TOP1: variants seen among roughly 807,000 people sequenced by gnomAD.
The protein encoded by TOP1 is DNA topoisomerase 1.
TOP1 carries 10 observed loss-of-function variants against 111.1 expected under a neutral mutation model. That is an observed-to-expected ratio of 0.09 (90% CI 0.06 to 0.15). The LOEUF (loss-of-function observed/expected upper bound fraction) is 0.15. TOP1 is among the 10% of genes least tolerant of loss of function. The pLI, the probability that TOP1 is intolerant of heterozygous loss-of-function variation, is 1.00. For synonymous variants in TOP1, 271 were observed against 302.9 expected, an observed-to-expected ratio of 0.89 and a Z score of 1.10; for missense variants, 474 against 926.7, an observed-to-expected ratio of 0.51 and a Z score of 6.34.
chr20:41,101,058 G>A lies in TOP1; in HGVS notation c.1164-151G>A. 2.9e-6 allele frequency: 2 copies of A among 695,218 alleles called. No homozygotes were observed. The highest frequency in any genetic ancestry group is 2.2e-5 in the South Asian group (1 of 45,956). The allele number at this position is 695,218 out of a possible 1,614,324, so 43.1% of individuals were successfully genotyped here. A position where few individuals can be genotyped will look rare whatever the true frequency, so the allele number is the denominator to read the frequency against. On this transcript the variant is annotated intron_variant, in intron 12 of 20. Coordinates refer to ENST00000361337, the MANE Select transcript of TOP1 (RefSeq NM_003286.4). The surrounding 1 kb of genome is among the most constrained non-coding windows in gnomAD (Gnocchi z 4.1). ...TCGGATGACAGTTGGCTGAGGGTAAGTAAAACCATGCATAAGGTGGGACTA... is the reference window on the plus strand; with the variant it reads ...TCGGATGACAGTTGGCTGAGGGTAAATAAAACCATGCATAAGGTGGGACTA...
chr20:41,072,554 C>T (rs964702290), intron 3 of TOP1: 22 of 985,304 alleles, frequency 2.2e-5, no homozygotes, highest in Non-Finnish European at 2.7e-5. Flanking sequence ...GCTTCTGTAT[C>T]ATAGGACTTG....
chr20:41,029,685 G>A lies in TOP1; in HGVS notation c.58+230G>A, dbSNP rs2033092619. 1 of 604,848 alleles carries A rather than the reference G, an allele frequency of 1.7e-6. No homozygotes were observed. 37.5% of individuals were successfully genotyped at this position (604,848 alleles called of 1,614,324 possible). ...GAGGGGACAACGGAGACCCCGTGTC[G>A]TCCGCCACCGGGCCTCGGGCGGTCT... On this transcript the variant is annotated intron_variant, in intron 2 of 20. Transcript: ENST00000361337. The surrounding 1 kb of genome is among the most constrained non-coding windows in gnomAD (Gnocchi z 6.1).
chr20:41,045,458 T>G (rs1005983442), intron 2 of TOP1, among the ~76,000 whole-genome samples: 10 of 152,246 alleles, frequency 6.6e-5, no homozygotes, highest in Middle Eastern at 3.2e-3. Flanking sequence ...CAGGCAGTTG[T>G]ACGTTTTATT....
At position 41,080,329 on chromosome 20, in the gene TOP1, G is replaced by A; in HGVS notation, c.431+149G>A. 1 of 547,220 alleles carries A rather than the reference G, an allele frequency of 1.8e-6. No homozygotes were observed. Among genetic ancestry groups the A allele is most frequent in the Non-Finnish European group, 3.2e-6 (1 of 309,706 alleles). The allele number at this position is 547,220 out of a possible 1,614,324, so 33.9% of individuals were successfully genotyped here. On this transcript the variant is annotated intron_variant, in intron 6 of 20. Coordinates refer to ENST00000361337, the MANE Select transcript of TOP1 (RefSeq NM_003286.4). The surrounding 1 kb of genome is among the most constrained non-coding windows in gnomAD (Gnocchi z 5.0). ...TTGTGATTAATGGACTGATTTCTCT[G>A]AACTATGAGAAGTAGAGTTTGCTAA...
chr20:41,097,363 T>C lies in TOP1; in HGVS notation c.852+22T>C, dbSNP rs991035695. ...AAAGGTACTGTAGCCCATGTGTTAA[T>C]ATCCTAGTACCTTGCAAAACAATCA... is the stretch of plus-strand genomic sequence containing the variant. On this transcript the variant is annotated intron_variant, in intron 10 of 20. Coordinates refer to ENST00000361337, the MANE Select transcript of TOP1 (RefSeq NM_003286.4). This position sits in a 1 kb window ranked among gnomAD's most constrained non-coding sequence, Gnocchi z 4.2. 4.4e-6 allele frequency: 7 copies of C among 1,608,480 alleles called. No individual in the cohort carries two copies. The highest frequency in any genetic ancestry group is 5.9e-6 in the Non-Finnish European group (7 of 1,177,404).
Position 41,030,518 on chromosome 20 carries a change from C to A in TOP1, c.58+1063C>A, listed in dbSNP as rs79296143. ...ATTCTTTATGTTTTTGAACCCTTTT[C>A]AGCCAAATCAAGGCATTTATTCTTA... On this transcript the variant is annotated intron_variant, in intron 2 of 20. Coordinates refer to ENST00000361337, the MANE Select transcript of TOP1 (RefSeq NM_003286.4). This position sits in a 1 kb window ranked among gnomAD's most constrained non-coding sequence, Gnocchi z 4.1. 6.7e-6 allele frequency among the ~76,000 whole-genome samples: 1 copy of A among 149,912 alleles called. No individual in the cohort carries two copies. Among genetic ancestry groups the A allele is most frequent in the Non-Finnish European group, 1.5e-5 (1 of 67,646 alleles).
chr20:41,040,407 G>A (rs2033247048), intron 2 of TOP1, among the ~76,000 whole-genome samples: 1 of 152,196 alleles, frequency 6.6e-6, no homozygotes, highest in Admixed American at 6.5e-5. Flanking sequence ...AGAAACAGTA[G>A]CTTCTTAGGA....
intron 8 of TOP1, among the ~76,000 whole-genome samples, chr20:41,087,429 T>C (rs1163046943): frequency 1.3e-5 from 2 of 152,250 alleles, no homozygotes; most frequent in African/African-American, 2.4e-5. Context: ...TGATTCTTCA[T>C]AAAGAATTAC....
At chr20:41,036,284 C>T (rs995878753) in intron 2 of TOP1, among the ~76,000 whole-genome samples, 1 of 152,004 alleles carries the variant, frequency 6.6e-6, no homozygotes, top group East Asian at 1.9e-4. Flanking sequence ...TAGCTTGGAC[C>T]CTTTGTATGT....
At position 41,030,933 on chromosome 20, in the gene TOP1, G is replaced by A. The variant is rs1265991023; in HGVS notation, c.58+1478G>A. On this transcript the variant is annotated intron_variant, in intron 2 of 20. Transcript: ENST00000361337. This position sits in a 1 kb window ranked among gnomAD's most constrained non-coding sequence, Gnocchi z 4.1. ...TGTGCTTGGTGCTAGAGCTGATCCT[G>A]TAACCATAACACTCCCTTGCTCTCA... Among the ~76,000 whole-genome samples the A allele has an allele frequency of 1.3e-5, 2 of 152,208 alleles. No homozygotes were observed. The highest frequency in any genetic ancestry group is 4.8e-5 in the African/African-American group (2 of 41,446).
At chr20:41,062,370 T>C (rs1600566857) in intron 3 of TOP1, among the ~76,000 whole-genome samples, 3 of 152,346 alleles carry the variant, frequency 2.0e-5, no homozygotes, top group African/African-American at 7.2e-5. Context: ...AAGTCTGTTC[T>C]TTTTCGCGAA....
intron 2 of TOP1, among the ~76,000 whole-genome samples, chr20:41,057,649 T>A (rs2033490684): frequency 6.6e-6 from 1 of 152,218 alleles, no homozygotes; most frequent in African/African-American, 2.4e-5. Context: ...TTGACTACCC[T>A]AAGATAACTG....
chr20:41,030,518 C>T lies in TOP1; in HGVS notation c.58+1063C>T, dbSNP rs79296143. 0.095 allele frequency among the ~76,000 whole-genome samples: 14,261 copies of T among 149,974 alleles called. 923 individuals carry two copies. Among genetic ancestry groups the T allele is most frequent in the African/African-American group, 0.18 (7,420 of 40,778 alleles). On this transcript the variant is annotated intron_variant, in intron 2 of 20. Transcript: ENST00000361337. The surrounding 1 kb of genome is among the most constrained non-coding windows in gnomAD (Gnocchi z 4.1). ...ATTCTTTATGTTTTTGAACCCTTTT[C>T]AGCCAAATCAAGGCATTTATTCTTA...
intron 3 of TOP1, among the ~76,000 whole-genome samples, chr20:41,074,883 C>T (rs980502195): frequency 6.6e-6 from 1 of 152,206 alleles, no homozygotes; most frequent in Non-Finnish European, 1.5e-5. Context: ...GTTCTCTCAC[C>T]TTAAACTACA....
Position 41,121,933 on chromosome 20 carries a change from G to A in TOP1, c.2046-73G>A. 5 of 1,579,346 alleles carry A rather than the reference G, an allele frequency of 3.2e-6. No individual in the cohort carries two copies. The highest frequency in any genetic ancestry group is 4.3e-6 in the Non-Finnish European group (5 of 1,159,746). The stretch of plus-strand genomic sequence containing the variant: ...ATACTAGGGCTTTTATTGACTCAAA[G>A]TGGCAGGATGGGTACAGTGTGCTCT... On this transcript the variant is annotated intron_variant, in intron 19 of 20. Coordinates refer to ENST00000361337, the MANE Select transcript of TOP1 (RefSeq NM_003286.4). This position sits in a 1 kb window ranked among gnomAD's most constrained non-coding sequence, Gnocchi z 4.2.
chr20:41,108,233 CTT>C (rs961196721), intron 13 of TOP1, among the ~76,000 whole-genome samples: 4 of 152,156 alleles, frequency 2.6e-5, no homozygotes, highest in Non-Finnish European at 5.9e-5. Context: ...TTTGTTTACT[CTT>C]GTGTCTATAT....
In TOP1 at chr20:41,032,968, C is replaced by T. The variant is rs553506031; in HGVS notation, c.58+3513C>T. ...AATCAGGAAATACTTAAGCATTATG[C>T]TCCAGGGTGGTTTTCTTCCCTTACA... On this transcript the variant is annotated intron_variant, in intron 2 of 20. Coordinates refer to ENST00000361337, the MANE Select transcript of TOP1 (RefSeq NM_003286.4). This position sits in a 1 kb window ranked among gnomAD's most constrained non-coding sequence, Gnocchi z 4.3. Among the ~76,000 whole-genome samples the T allele has an allele frequency of 6.6e-6, 1 of 152,314 alleles. No individual in the cohort carries two copies. Among genetic ancestry groups the T allele is most frequent in the East Asian group, 1.9e-4 (1 of 5,194 alleles).
intron 18 of TOP1, among the ~76,000 whole-genome samples, chr20:41,119,279 A>G (rs1163608540): frequency 6.6e-6 from 1 of 152,170 alleles, no homozygotes; most frequent in Non-Finnish European, 1.5e-5. Flanking sequence ...TGCTATTACT[A>G]TGGTTTGTTC....
chr20:41,105,051 A>G (rs528870458), intron 13 of TOP1, among the ~76,000 whole-genome samples: 114 of 152,276 alleles, frequency 7.5e-4, no homozygotes, highest in African/African-American at 2.7e-3. Context: ...TATGTGCTCA[A>G]TTGTTTTATT....
Sources: gnomAD v4.1 joint callset for allele counts (sites outside exome capture counted in the v4.1 genomes callset) on GRCh38, gnomAD v4.1.1 for gene constraint, Gnocchi (gnomAD v3.1) non-coding constraint, MANE v1.5 for transcripts, NCBI Gene and HGNC (gene_info 2026-07-23, HGNC 2026-07-21) for gene names.